Variants in CMYA5 observed in about 807,000 individuals in gnomAD.
CMYA5 encodes the protein cardiomyopathy associated 5.
Under a neutral mutation model 318.9 loss-of-function variants are expected in CMYA5, and 246 were observed. The ratio of observed to expected loss-of-function variants is 0.77; its 90% CI spans 0.70 to 0.86. The LOEUF (loss-of-function observed/expected upper bound fraction) is 0.86, where lower values mean the gene tolerates loss of function less well. Ranked by LOEUF, CMYA5 falls within the 40% of genes least tolerant of loss-of-function variation. The probability of loss-of-function intolerance (pLI) is 0.00; values close to 1 mark genes in which losing one functional copy is unlikely to be tolerated. For missense variants in CMYA5, 4,589 were observed against 4,678.2 expected, an observed-to-expected ratio of 0.98 and a Z score of 0.56; for synonymous variants, 1,641 against 1,729.5, an observed-to-expected ratio of 0.95 and a Z score of 1.27.
chr5:79,739,982 CAAAAAT>C (rs1828178233), intron 2 of CMYA5, among the ~76,000 whole-genome samples: 1 of 149,392 alleles, frequency 6.7e-6, no homozygotes, highest in South Asian at 2.1e-4. Flanking sequence ...GACCCTGTCT[CAAAAAT>C]AAAATAAAAT....
intron 1 of CMYA5, among the ~76,000 whole-genome samples, chr5:79,712,759 G>T (rs1215485266): frequency 6.6e-6 from 1 of 152,066 alleles, no homozygotes; most frequent in African/African-American, 2.4e-5. Flanking sequence ...GGACTGATTT[G>T]CCCTCATACT....
chr5:79,776,241 G>A (rs1039216828), intron 9 of CMYA5, among the ~76,000 whole-genome samples: 1 of 152,238 alleles, frequency 6.6e-6, no homozygotes, highest in African/African-American at 2.4e-5. Context: ...AACTAAGAGT[G>A]AGACGCTTAC....
chr5:79,714,431 C>CT lies in CMYA5; in HGVS notation c.150-14464dup, dbSNP rs71615553. 6.7e-3 allele frequency among the ~76,000 whole-genome samples: 679 copies of CT among 100,658 alleles called. 6 individuals are homozygous for CT. Among genetic ancestry groups the CT allele is most frequent in the African/African-American group, 0.014 (325 of 23,288 alleles). The allele number at this position is 100,658 out of a possible 152,430, so 66.0% of individuals were successfully genotyped here. On this transcript the variant is annotated intron_variant, in intron 1 of 12. Coordinates refer to ENST00000446378, the MANE Select transcript of CMYA5 (RefSeq NM_153610.5). ...CACATCTGATATCTTTTTTCTTTTT[C>CT]TTTTTTTTTTTTTTTTTTTTGAGAT... is the stretch of plus-strand genomic sequence containing the variant.
At chr5:79,752,509 T>C (rs1248622484) in intron 5 of CMYA5, among the ~76,000 whole-genome samples, 167 bp from the exon 6 acceptor site, 1 of 152,230 alleles carries the variant, frequency 6.6e-6, no homozygotes, top group Non-Finnish European at 1.5e-5. Flanking sequence ...ATTTTAGACA[T>C]ATATTTCAAG....
intron 9 of CMYA5, among the ~76,000 whole-genome samples, chr5:79,775,932 T>C (rs957732057): frequency 1.3e-5 from 2 of 152,190 alleles, no homozygotes; most frequent in African/African-American, 4.8e-5. Flanking sequence ...ATATAAATGA[T>C]ACCATTCAGC....
At chr5:79,768,640 G>C (rs940209103) in intron 9 of CMYA5, among the ~76,000 whole-genome samples, 1 of 152,314 alleles carries the variant, frequency 6.6e-6, no homozygotes, top group African/African-American at 2.4e-5. Flanking sequence ...CTCCTGGCTT[G>C]TACGGTTTCT....
At chr5:79,714,431 C>CTTTTTCTTTTTTTTTTTTTTTTTTTT (rs767402291) in intron 1 of CMYA5, among the ~76,000 whole-genome samples, 1 of 100,678 alleles carries the variant, frequency 9.9e-6, no homozygotes, top group African/African-American at 4.3e-5. Context: ...TTTTCTTTTT[C>CTTTTTCTTTTTTTTTTTTTTTTTTTT]TTTTTTTTTT....
intron 5 of CMYA5, among the ~76,000 whole-genome samples, chr5:79,748,629 A>G (rs539672250): frequency 7.3e-5 from 11 of 151,586 alleles, no homozygotes; most frequent in Non-Finnish European, 1.5e-4. Flanking sequence ...TGCAACCTCC[A>G]CCTCCCGGGT....
Position 79,731,890 on chromosome 5 carries a change from A to T in CMYA5, c.3125A>T (p.Asp1042Val). 1.2e-6 allele frequency: 2 copies of T among 1,613,552 alleles called. No individual in the cohort carries two copies. Among genetic ancestry groups the T allele is most frequent in the South Asian group, 1.1e-5 (1 of 90,980 alleles). ...ASGYSCFSEA[D>V]EEDIGSTAAT... ...GGTTATTCCTGCTTTTCAGAAGCAG[A>T]TGAGGAAGACATTGGATCCACAGCT... The change falls in exon 2 of 13, where the codon GAT becomes GTT. Residue 1042 changes from aspartate (D) to valine (V), a missense_variant. Asp to Val is a radical substitution (Grantham distance 152, BLOSUM62 -3). Transcript: ENST00000446378.
intron 9 of CMYA5, among the ~76,000 whole-genome samples, chr5:79,765,782 T>G (rs1444725781): frequency 6.6e-6 from 1 of 152,246 alleles, no homozygotes; most frequent in Non-Finnish European, 1.5e-5. Flanking sequence ...ATGATTTGGC[T>G]CTGTGTTTGT....
chr5:79,742,224 C>A (rs548706904), intron 2 of CMYA5, among the ~76,000 whole-genome samples: 1 of 149,268 alleles, frequency 6.7e-6, no homozygotes, highest in Non-Finnish European at 1.5e-5. Flanking sequence ...GGGTCTCACT[C>A]TGTTGCCCAG....
rs574787434 is a variant in CMYA5, at chr5:79,734,712, G to C, written c.5947G>C (p.Glu1983Gln). ...CTTATCAAGTAAAAGTTACTCTTCT[G>C]AAGAAGTAAAGCTGGCTGAAGAACC... ...ETLSSKSYSS[E>Q]EVKLAEEPKS... Residue 1983 changes from glutamate to glutamine, a missense_variant, in exon 2 of 13, where the codon GAA (glutamate) becomes CAA (glutamine). Coordinates refer to ENST00000446378, the MANE Select transcript of CMYA5 (RefSeq NM_153610.5). The C allele has an allele frequency of 2.5e-6, 4 of 1,613,862 alleles. No individual in the cohort carries two copies. The South Asian group carries it at 4.4e-5, about 18-fold the overall frequency.
rs201865723 is a variant in CMYA5, at chr5:79,730,988, G to A, written c.2223G>A (p.Ser741=). ...IPSEEKEDTG[S]FTPAVAPASE... ...CAGAAGAGAAGGAAGACACTGGATC[G>A]TTTACTCCAGCTGTGGCCCCTGCTT... The change falls in exon 2 of 13, where the codon TCG becomes TCA. Residue 741 remains serine, a synonymous_variant. Transcript: ENST00000446378. The A allele has an allele frequency of 4.0e-5, 65 of 1,613,534 alleles. No homozygotes were observed. The highest frequency in any genetic ancestry group is 6.7e-5 in the Admixed American group (4 of 60,002).
chr5:79,692,482 C>T (rs1225188494), intron 1 of CMYA5, among the ~76,000 whole-genome samples: 51 of 152,120 alleles, frequency 3.4e-4, no homozygotes, highest in Non-Finnish European at 4.4e-5. Flanking sequence ...TTTACATACA[C>T]CAACATGGAT....
In CMYA5 at chr5:79,731,721, A is replaced by G. The variant is rs780324977; in HGVS notation, c.2956A>G (p.Ile986Val). Reference sequence around the variant, plus strand: ...TTTAACATCACCATCTGAGCACACTATTTTGTCAGATGAAGACACTGAAGA... The same window carrying G: ...TTTAACATCACCATCTGAGCACACTGTTTTGTCAGATGAAGACACTGAAGA... Reference protein sequence around the residue: ...ICLTSPSEHTILSDEDTEEAE... With the variant: ...ICLTSPSEHTVLSDEDTEEAE... Residue 986 changes from isoleucine to valine, a missense_variant, in exon 2 of 13, where the codon ATT (isoleucine) becomes GTT (valine). Ile to Val is a conservative substitution (Grantham distance 29, BLOSUM62 3). Around this residue, in one of 3 missense-constraint regions of CMYA5, gnomAD observed 2,132 missense variants for 2,131.3 expected, o/e 1.00. Coordinates refer to ENST00000446378, the MANE Select transcript of CMYA5 (RefSeq NM_153610.5). 2 of 1,613,912 alleles carry G rather than the reference A, an allele frequency of 1.2e-6. No individual in the cohort carries two copies. Among genetic ancestry groups the G allele is most frequent in the Non-Finnish European group, 1.7e-6 (2 of 1,179,862 alleles).
intron 1 of CMYA5, among the ~76,000 whole-genome samples, chr5:79,698,266 C>T (rs183717571): frequency 4.6e-5 from 7 of 151,838 alleles, no homozygotes; most frequent in African/African-American, 1.7e-4. Context: ...CATCCATCAC[C>T]ATTTTGGGCA....
intron 1 of CMYA5, among the ~76,000 whole-genome samples, chr5:79,700,801 C>G (rs1316156561): frequency 6.6e-6 from 1 of 152,022 alleles, no homozygotes; most frequent in African/African-American, 2.4e-5. Flanking sequence ...GGAAATAAGC[C>G]AAGCACAGAT....
In CMYA5 at chr5:79,736,618, A is replaced by C; in HGVS notation, c.7853A>C (p.Gln2618Pro). The change falls in exon 2 of 13, where the codon CAA (glutamine) becomes CCA (proline). Residue 2618 changes from glutamine to proline, a missense_variant. By Grantham distance (76) the Gln-to-Pro change is moderately conservative. Coordinates refer to ENST00000446378, the MANE Select transcript of CMYA5 (RefSeq NM_153610.5). ...AGAGAAGCAAAGGCAGTAGGAACCC[A>C]ACCACATCCTTTAGAAGAAAGTAAA... is the stretch of plus-strand genomic sequence containing the variant. ...EIREAKAVGT[Q>P]PHPLEESKVL... is the part of the protein sequence containing the mutation. The C allele has an allele frequency of 6.2e-7, 1 of 1,613,866 alleles. No individual in the cohort carries two copies. Among genetic ancestry groups the C allele is most frequent in the Non-Finnish European group, 8.5e-7 (1 of 1,179,808 alleles).
chr5:79,774,801 G>C (rs1358050001), intron 9 of CMYA5, among the ~76,000 whole-genome samples: 5 of 152,218 alleles, frequency 3.3e-5, no homozygotes, highest in Admixed American at 2.6e-4. Context: ...GTTTTCAGCT[G>C]GGGACACCCA....
Sources: gnomAD v4.1 joint callset for allele counts (sites outside exome capture counted in the v4.1 genomes callset) on GRCh38, gnomAD v4.1.1 for gene constraint, gnomAD v4.1.1 regional missense constraint, MANE v1.5 for transcripts, NCBI Gene and HGNC (gene_info 2026-07-23, HGNC 2026-07-21) for gene names.